The following IGSF21 variants were observed in gnomAD, a reference collection of about 807,000 sequenced individuals.
IGSF21 encodes the protein immunoglobulin superfamily member 21.
In IGSF21, 28 loss-of-function variants were observed where a neutral mutation model predicts 46.8. That is an observed-to-expected ratio of 0.60 (90% confidence interval 0.44 to 0.82). The LOEUF is 0.82. Ranked by LOEUF, IGSF21 falls within the 40% of genes least tolerant of loss-of-function variation. The pLI is 0.00. For missense variants in IGSF21, 624 were observed against 665.5 expected (o/e 0.94, Z 0.69); for synonymous variants, 284 against 273.6 (o/e 1.04, Z -0.38).
chr1:18,184,610 C>T (rs2124471532), intron 1 of IGSF21, among the ~76,000 whole-genome samples: 1 of 152,274 alleles, frequency 6.6e-6, no homozygotes, highest in Non-Finnish European at 1.5e-5. Flanking sequence ...CAAGCTGCCC[C>T]AGAGATAAGA....
intron 3 of IGSF21, among the ~76,000 whole-genome samples, chr1:18,298,647 A>G (rs2085334012): frequency 6.6e-6 from 1 of 152,216 alleles, no homozygotes; most frequent in South Asian, 2.1e-4. Flanking sequence ...AGTAAATGAA[A>G]AAAAGAGGCT....
At chr1:18,171,892 T>C (rs2086740695) in intron 1 of IGSF21, among the ~76,000 whole-genome samples, 2 of 152,210 alleles carry the variant, frequency 1.3e-5, no homozygotes, top group Non-Finnish European at 2.9e-5. Flanking sequence ...CTAATAGTGA[T>C]TGGTTCAACC....
At chr1:18,279,775 T>C (rs2085140542) in intron 2 of IGSF21, among the ~76,000 whole-genome samples, 1 of 152,226 alleles carries the variant, frequency 6.6e-6, no homozygotes, top group South Asian at 2.1e-4. Context: ...ATGTGTTAAT[T>C]ACAGCAGACA....
chr1:18,361,812 C>CA (rs2086103842), intron 4 of IGSF21: 1 of 286,492 alleles, frequency 3.5e-6, no homozygotes, highest in Admixed American at 4.9e-5. Context: ...AGAGTCCCCT[C>CA]AACACACTGA....
chr1:18,198,769 G>A (rs536479636), intron 1 of IGSF21, among the ~76,000 whole-genome samples: 4 of 152,276 alleles, frequency 2.6e-5, no homozygotes, highest in South Asian at 2.1e-4. Flanking sequence ...GCAGAGTGAC[G>A]CCACTTCTGT....
chr1:18,170,275 G>T (rs555912891), intron 1 of IGSF21, among the ~76,000 whole-genome samples: 39 of 152,232 alleles, frequency 2.6e-4, no homozygotes, highest in African/African-American at 7.2e-4. Flanking sequence ...CAGACAGCTA[G>T]CTAAGGAATG....
chr1:18,335,081 G>T lies in IGSF21; in HGVS notation c.424+71G>T. Reference sequence around the variant, plus strand: ...AGTATGCTTGAGTGTGTGAATGTGCGCACAGAGTGGCCATCCTGGGGGCCA... The same window carrying T: ...AGTATGCTTGAGTGTGTGAATGTGCTCACAGAGTGGCCATCCTGGGGGCCA... On this transcript the variant is annotated intron_variant, in intron 4 of 9. Transcript: ENST00000251296. This position sits in a 1 kb window ranked among gnomAD's most constrained non-coding sequence, Gnocchi z 4.8. The T allele has an allele frequency of 1.7e-6, 2 of 1,162,228 alleles. No individual in the cohort carries two copies. Among genetic ancestry groups the T allele is most frequent in the Non-Finnish European group, 1.3e-6 (1 of 773,358 alleles). 72.0% of individuals were successfully genotyped at this position (1,162,228 alleles called of 1,614,324 possible).
chr1:18,253,602 A>G (rs2084863209), intron 2 of IGSF21, among the ~76,000 whole-genome samples: 1 of 152,272 alleles, frequency 6.6e-6, no homozygotes, highest in Non-Finnish European at 1.5e-5. Flanking sequence ...GTCCTTTGCC[A>G]AAACACCAAT....
At chr1:18,341,130 CTT>C (rs58687417) in intron 4 of IGSF21, among the ~76,000 whole-genome samples, 2 of 136,066 alleles carry the variant, frequency 1.5e-5, no homozygotes. Flanking sequence ...TTCTTCTTCT[CTT>C]TTTTTTTTTT....
intron 1 of IGSF21, among the ~76,000 whole-genome samples, chr1:18,196,992 T>A (rs115260674): frequency 0.015 from 2,324 of 152,266 alleles, 60 homozygotes; most frequent in African/African-American, 0.052. Context: ...AAGTATATAT[T>A]TTTTCTAATC....
chr1:18,113,101 A>G (rs2086157153), intron 1 of IGSF21: 1 of 152,244 alleles, frequency 6.6e-6, no homozygotes, highest in Non-Finnish European at 1.5e-5. Context: ...ATCCAGAGAC[A>G]GCTGCTTTTT....
intron 1 of IGSF21, among the ~76,000 whole-genome samples, chr1:18,214,681 T>G (rs1279130692): frequency 6.6e-6 from 1 of 152,192 alleles, no homozygotes; most frequent in Non-Finnish European, 1.5e-5. Context: ...ATATCTTACA[T>G]GCAGGCAGGA....
At chr1:18,216,937 T>A (rs1021935905) in intron 1 of IGSF21, among the ~76,000 whole-genome samples, 1 of 152,176 alleles carries the variant, frequency 6.6e-6, no homozygotes, top group South Asian at 2.1e-4. Context: ...AGGGTATTTG[T>A]CTTCATGAGA....
At chr1:18,159,583 A>G (rs974433482) in intron 1 of IGSF21, among the ~76,000 whole-genome samples, 6 of 152,108 alleles carry the variant, frequency 3.9e-5, no homozygotes, top group African/African-American at 1.2e-4. Flanking sequence ...GCTGCCATGT[A>G]AGATGTGCCT....
At chr1:18,221,454 C>T (rs920474989) in intron 1 of IGSF21, among the ~76,000 whole-genome samples, 14 of 152,148 alleles carry the variant, frequency 9.2e-5, no homozygotes, top group African/African-American at 3.4e-4. Flanking sequence ...CTGAGCCAGC[C>T]CTCTGGACAC....
intron 1 of IGSF21, among the ~76,000 whole-genome samples, chr1:18,221,463 A>C (rs1277561547): frequency 6.6e-6 from 1 of 152,170 alleles, no homozygotes; most frequent in Non-Finnish European, 1.5e-5. Flanking sequence ...CCCTCTGGAC[A>C]CATCCCCTTG....
At chr1:18,202,271 G>A (rs1016068982) in intron 1 of IGSF21, among the ~76,000 whole-genome samples, 4 of 152,162 alleles carry the variant, frequency 2.6e-5, no homozygotes, top group Non-Finnish European at 4.4e-5. Context: ...CATTCTCAGG[G>A]CTGGCTGGGA....
chr1:18,163,357 A>G (rs2086645829), intron 1 of IGSF21, among the ~76,000 whole-genome samples: 2 of 152,162 alleles, frequency 1.3e-5, no homozygotes, highest in African/African-American at 4.8e-5. Flanking sequence ...ACAGAGGATG[A>G]GTTGCAGAAG....
At chr1:18,151,063 C>A (rs2086517998) in intron 1 of IGSF21, among the ~76,000 whole-genome samples, 1 of 152,214 alleles carries the variant, frequency 6.6e-6, no homozygotes, top group Non-Finnish European at 1.5e-5. Context: ...TGGCTCAGCC[C>A]TGATGAATCA....
Sources: allele counts gnomAD v4.1 joint callset (sites outside exome capture counted in the v4.1 genomes callset), GRCh38; gene constraint gnomAD v4.1.1; non-coding constraint Gnocchi (gnomAD v3.1); transcripts MANE v1.5; gene names NCBI Gene and HGNC (gene_info 2026-07-23, HGNC 2026-07-21).